VRK3: variants seen among roughly 807,000 people sequenced by gnomAD.
VRK3 encodes the protein serine/threonine-protein kinase VRK3.
A neutral mutation model predicts 60.4 loss-of-function variants in VRK3; 50 were observed. That is an observed-to-expected ratio of 0.83 (90% confidence interval 0.66 to 1.05). The LOEUF (loss-of-function observed/expected upper bound fraction) is 1.05, where lower values mean the gene tolerates loss of function less well. Ranked by LOEUF, VRK3 falls within the 50% of genes least tolerant of loss-of-function variation. VRK3 has a pLI of 0.00. For missense variants in VRK3, 549 were observed against 585.3 expected, an observed-to-expected ratio of 0.94 and a Z score of 0.64; for synonymous variants, 246 against 227.8, an observed-to-expected ratio of 1.08 and a Z score of -0.72.
At chr19:50,002,558 C>G (rs2076825028) in intron 5 of VRK3, among the ~76,000 whole-genome samples, 2 of 152,140 alleles carry the variant, frequency 1.3e-5, no homozygotes, top group Admixed American at 1.3e-4. Flanking sequence ...TACTCAGAGG[C>G]AAGCAGGAAA....
intron 4 of VRK3, 22 bp downstream of exon 4, chr19:50,009,214 C>T (rs912864307): frequency 1.2e-6 from 2 of 1,609,766 alleles, no homozygotes; most frequent in Non-Finnish European, 1.7e-6. Context: ...AAGAGTCAGG[C>T]CAGATAGACC....
Position 50,000,683 on chromosome 19 carries a change from T to C in VRK3, c.612+107A>G, listed in dbSNP as rs2076788467. On this transcript the variant is annotated intron_variant, in intron 6 of 14. Transcript: ENST00000316763. ...TAATACTCCTTGCAGGTGGGGACCC[T>C]GGCCCCCGGCCGAGCTCTCCCAGCT... 8 of 1,346,866 alleles carry C rather than the reference T, an allele frequency of 5.9e-6. No homozygotes were observed. In the East Asian group the frequency reaches 2.0e-4, roughly 34 times the overall value. 83.4% of individuals were successfully genotyped at this position (1,346,866 alleles called of 1,614,324 possible).
chr19:50,021,452 G>T (rs994017959), intron 1 of VRK3, among the ~76,000 whole-genome samples: 1 of 152,198 alleles, frequency 6.6e-6, no homozygotes, highest in East Asian at 1.9e-4. Context: ...CAGTTTCCAC[G>T]GCATGAGGCA....
chr19:50,017,352 A>G (rs2077095086), intron 2 of VRK3, among the ~76,000 whole-genome samples: 1 of 152,054 alleles, frequency 6.6e-6, no homozygotes, highest in Non-Finnish European at 1.5e-5. Context: ...AGGTGGGCGG[A>G]TCACCTGAGG....
At chr19:49,987,180 C>CTGAT (rs1463972675) in intron 12 of VRK3, among the ~76,000 whole-genome samples, 2 of 152,160 alleles carry the variant, frequency 1.3e-5, no homozygotes, top group Non-Finnish European at 2.9e-5. Flanking sequence ...GCCTGGGCAA[C>CTGAT]TGATATTCAT....
chr19:49,991,454 A>C (rs955326777), intron 10 of VRK3, among the ~76,000 whole-genome samples: 1 of 151,990 alleles, frequency 6.6e-6, no homozygotes, highest in Non-Finnish European at 1.5e-5. Flanking sequence ...CAGATTGCAA[A>C]CTGAAGAATC....
intron 10 of VRK3, among the ~76,000 whole-genome samples, chr19:49,990,246 T>G (rs1280357997): frequency 6.6e-6 from 1 of 152,242 alleles, no homozygotes; most frequent in East Asian, 1.9e-4. Flanking sequence ...CAGTTCTCTC[T>G]GCTATGATTT....
At position 49,997,514 on chromosome 19, in the gene VRK3, C is replaced by T; in HGVS notation, c.669G>A (p.Lys223=). 6.2e-7 allele frequency: 1 copy of T among 1,614,002 alleles called. No individual in the cohort carries two copies. Among genetic ancestry groups the T allele is most frequent in the Non-Finnish European group, 8.5e-7 (1 of 1,179,946 alleles). ...TTCCCTGTCAGGTACCTTGCAGAGGCTTGGCGGCCCGCTGGAAGAAGTTCT... is the reference window on the plus strand; with the variant it reads ...TTCCCTGTCAGGTACCTTGCAGAGGTTTGGCGGCCCGCTGGAAGAAGTTCT... ...NEQNFFQRAA[K]PLQVNKWKKL... is the part of the protein sequence containing the mutation. Residue 223 remains lysine (K), a synonymous_variant, in exon 7 of 15, where the codon AAG becomes AAA. Transcript: ENST00000316763.
intron 1 of VRK3, among the ~76,000 whole-genome samples, chr19:50,023,718 A>G (rs891243145): frequency 4.1e-5 from 6 of 146,518 alleles, no homozygotes; most frequent in African/African-American, 1.6e-4. Flanking sequence ...TTTGCAAAAG[A>G]AAATGTGCCA....
chr19:50,007,244 A>G (rs1456472416), intron 5 of VRK3, among the ~76,000 whole-genome samples: 1 of 152,052 alleles, frequency 6.6e-6, no homozygotes, highest in Non-Finnish European at 1.5e-5. Context: ...CATCCTTAAC[A>G]TGCAGCCCCT....
chr19:50,021,539 A>G (rs746237462), intron 1 of VRK3, among the ~76,000 whole-genome samples: 8 of 152,212 alleles, frequency 5.3e-5, no homozygotes, highest in Admixed American at 6.5e-5. Flanking sequence ...GCCAACAGCC[A>G]CCATCAGCTG....
At chr19:49,995,409 G>T in intron 7 of VRK3, 134 bp from the exon 8 acceptor site, 2 of 737,334 alleles carry the variant, frequency 2.7e-6, no homozygotes, top group African/African-American at 1.7e-5. Context: ...ACAACATTGT[G>T]GGTGGGTGAT....
chr19:50,005,374 A>G (rs2076874843), intron 5 of VRK3, among the ~76,000 whole-genome samples: 1 of 149,220 alleles, frequency 6.7e-6, no homozygotes, highest in Non-Finnish European at 1.5e-5. Context: ...AGGCACTTCC[A>G]ATTCAAAGAT....
chr19:49,988,936 A>T (rs1003758069), intron 11 of VRK3, among the ~76,000 whole-genome samples: 1 of 152,160 alleles, frequency 6.6e-6, no homozygotes, highest in Non-Finnish European at 1.5e-5. Context: ...ACCCAGCCTC[A>T]GTGGGGGAGG....
chr19:50,010,842 G>A (rs1045712303), intron 3 of VRK3, among the ~76,000 whole-genome samples: 3 of 152,168 alleles, frequency 2.0e-5, no homozygotes, highest in Non-Finnish European at 2.9e-5. Flanking sequence ...GAACACGGGA[G>A]GTGGAGGTTG....
chr19:49,986,091 C>T (rs2076510852), intron 12 of VRK3, among the ~76,000 whole-genome samples: 1 of 152,240 alleles, frequency 6.6e-6, no homozygotes. Context: ...AATGACGACA[C>T]ACATCCCCTT....
intron 3 of VRK3, among the ~76,000 whole-genome samples, chr19:50,010,158 CACAT>C (rs1447042153): frequency 6.6e-6 from 1 of 152,216 alleles, no homozygotes; most frequent in Non-Finnish European, 1.5e-5. Flanking sequence ...TACATATACA[CACAT>C]ACAATCATTA....
At chr19:49,994,462 C>T (rs377075946) in intron 9 of VRK3, among the ~76,000 whole-genome samples, 2 of 152,246 alleles carry the variant, frequency 1.3e-5, no homozygotes, top group Admixed American at 6.5e-5. Context: ...TATCCTTGGC[C>T]GGACCATCCT....
rs752104671 is a variant in VRK3 at position 49,994,898 on chromosome 19, CAGG to C, written c.783_785del (p.Ser261_Leu262delinsArg). The C allele has an allele frequency of 6.2e-7, 1 of 1,614,104 alleles. No individual in the cohort carries two copies. The highest frequency in any genetic ancestry group is 8.5e-7 in the Non-Finnish European group (1 of 1,180,022). On this transcript the variant is annotated inframe_deletion, in exon 9 of 15. Transcript: ENST00000316763. ...CCAGGGCCGACTGAAGGCTCCTCCCCAGGCTGGGTAACACCAAGAACCTGGAAG... is the reference window on the plus strand; with the variant it reads ...CCAGGGCCGACTGAAGGCTCCTCCCCCTGGGTAACACCAAGAACCTGGAAG...
Sources: allele counts gnomAD v4.1 joint callset (sites outside exome capture counted in the v4.1 genomes callset), GRCh38; gene constraint gnomAD v4.1.1; transcripts MANE v1.5; gene names NCBI Gene and HGNC (gene_info 2026-07-23, HGNC 2026-07-21).